Variants in GOLGA8A observed in about 807,000 individuals in gnomAD.
The protein encoded by GOLGA8A is golgin subfamily A member 8A.
A neutral mutation model predicts 22.1 loss-of-function variants in GOLGA8A; 3 were observed. That is an observed-to-expected ratio of 0.14 (90% confidence interval 0.06 to 0.35). The LOEUF (loss-of-function observed/expected upper bound fraction) is 0.35. Among genes scored for constraint, GOLGA8A ranks in the 10% least tolerant of loss-of-function variants. GOLGA8A has a pLI of 1.00. For synonymous variants in GOLGA8A, 7 were observed against 91.7 expected, an observed-to-expected ratio of 0.08 and a Z score of 5.28; for missense variants, 16 against 233.2, an observed-to-expected ratio of 0.07 and a Z score of 6.07.
chr15:34,432,156 C>T (rs2339438), intron 2 of GOLGA8A, among the ~76,000 whole-genome samples: 14,049 of 149,076 alleles, frequency 0.094, 1,760 homozygotes, highest in South Asian at 0.25. Flanking sequence ...CCACCAACCA[C>T]GTCAGCCACC....
chr15:34,399,164 GAGA>G lies in GOLGA8A; in HGVS notation c.-490_-488del, dbSNP rs1411981535. 8 of 155,462 alleles carry G rather than the reference GAGA, an allele frequency of 5.1e-5. No homozygotes were observed. The highest frequency in any genetic ancestry group is 2.0e-4 in the African/African-American group (8 of 39,796). The allele number at this position is 155,462 out of a possible 1,614,324, so 9.6% of individuals were successfully genotyped here. A position where few individuals can be genotyped will look rare whatever the true frequency, so the allele number is the denominator to read the frequency against. Reference sequence around the variant, plus strand: ...ATAAGAAAATAATCACCTGTTTTGTGAGAAGTTCAATACGTAATGCTCCTCCAC... The same window carrying G: ...ATAAGAAAATAATCACCTGTTTTGTGAGTTCAATACGTAATGCTCCTCCAC... On this transcript the variant is annotated 5_prime_UTR_variant, in exon 7 of 25. Coordinates refer to ENST00000359187, the MANE Select transcript of GOLGA8A (RefSeq NM_181077.5).
rs3053180 is a variant in GOLGA8A at position 34,411,422 on chromosome 15, ATGTGTGTGTGTGTGTG to A, written c.-1122-3703_-1122-3688del. ...ATTTTTTTCTGAGAAGAATTCATGA[ATGTGTGTGTGTGTGTG>A]TGTGTGTGTGTGTGTGTGTCTGTGT... On this transcript the variant is annotated intron_variant, in intron 2 of 24. Transcript: ENST00000359187. Among the ~76,000 whole-genome samples, 6 of 98,602 alleles carry A rather than the reference ATGTGTGTGTGTGTGTG, an allele frequency of 6.1e-5. 1 individual carries two copies. Among genetic ancestry groups the A allele is most frequent in the Non-Finnish European group, 1.2e-4 (6 of 49,692 alleles). The allele number at this position is 98,602 out of a possible 152,430, so 64.7% of individuals were successfully genotyped here.
At chr15:34,420,082 G>C (rs80210132) in intron 2 of GOLGA8A, 2 of 149,490 alleles carry the variant, frequency 1.3e-5, no homozygotes, top group East Asian at 2.0e-4. Flanking sequence ...CATACACGTA[G>C]AAGTATTTCA....
At chr15:34,402,538 CGTTT>C (rs148501315) in intron 5 of GOLGA8A, among the ~76,000 whole-genome samples, 672 of 686 alleles carry the variant, frequency 0.98, 329 homozygotes, top group Middle Eastern at 1. Context: ...ACTCCCTTTT[CGTTT>C]GTTTGTTTGT....
At chr15:34,429,107 T>C (rs1272375442) in intron 2 of GOLGA8A, among the ~76,000 whole-genome samples, 1 of 143,654 alleles carries the variant, frequency 7.0e-6, no homozygotes, top group Admixed American at 7.1e-5. Context: ...TCACATCTTC[T>C]GCTCATACCT....
At position 34,379,841 on chromosome 15, in the gene GOLGA8A, A is replaced by T. The variant is rs891607791; in HGVS notation, c.*1570T>A. On this transcript the variant is annotated 3_prime_UTR_variant, in exon 25 of 25. Coordinates refer to ENST00000359187, the MANE Select transcript of GOLGA8A (RefSeq NM_181077.5). ...GGCAATGTATGATTGAAATGCATTC[A>T]TTCATCATGCATAGGCACAATCACA... is the stretch of plus-strand genomic sequence containing the variant. The T allele has an allele frequency of 6.5e-6, 1 of 152,698 alleles. No homozygotes were observed. Among genetic ancestry groups the T allele is most frequent in the African/African-American group, 2.4e-5 (1 of 41,470 alleles). The allele number at this position is 152,698 out of a possible 1,614,324, so 9.5% of individuals were successfully genotyped here. A position where few individuals can be genotyped will look rare whatever the true frequency, so the allele number is the denominator to read the frequency against.
rs3169219 is a variant in GOLGA8A, at chr15:34,380,695, C to G, written c.*716G>C. On this transcript the variant is annotated 3_prime_UTR_variant, in exon 25 of 25. Coordinates refer to ENST00000359187, the MANE Select transcript of GOLGA8A (RefSeq NM_181077.5). ...ATCCAAAGGGAACTGCCACAGTACA[C>G]TGCTCATTCTTGGCACCGGAACAGA... 0.023 allele frequency: 3,549 copies of G among 157,694 alleles called. 38 individuals carry two copies. Among genetic ancestry groups the G allele is most frequent in the South Asian group, 0.045 (248 of 5,466 alleles). The allele number at this position is 157,694 out of a possible 1,614,324, so 9.8% of individuals were successfully genotyped here.
chr15:34,429,834 AGAG>A (rs1474587863), intron 2 of GOLGA8A, among the ~76,000 whole-genome samples: 1 of 148,218 alleles, frequency 6.7e-6, no homozygotes, highest in Non-Finnish European at 1.5e-5. Flanking sequence ...CAAAGGACTG[AGAG>A]GTGAATGACG....
At position 34,380,405 on chromosome 15, in the gene GOLGA8A, C is replaced by T. The variant is rs879449736; in HGVS notation, c.*1006G>A. 3.6e-4 allele frequency: 55 copies of T among 152,258 alleles called. No homozygotes were observed. The highest frequency in any genetic ancestry group is 8.7e-4 in the African/African-American group (36 of 41,538). 9.4% of individuals were successfully genotyped at this position (152,258 alleles called of 1,614,324 possible). ...CTCTTAAAGGATTTCTTATGATCTT[C>T]ACTAAATACATTAAGAAGAATGCCA... is the stretch of plus-strand genomic sequence containing the variant. On this transcript the variant is annotated 3_prime_UTR_variant, in exon 25 of 25. Transcript: ENST00000359187.
In GOLGA8A at chr15:34,386,646, C is replaced by G; in HGVS notation, c.264G>C (p.Leu88=). Residue 88 remains leucine (L), a synonymous_variant, in exon 12 of 25, where the codon CTG becomes CTC. Coordinates refer to ENST00000359187, the MANE Select transcript of GOLGA8A (RefSeq NM_181077.5). ...TTACCAAAGATTTGATGGTGTCATT[C>G]AGTCGACTGATTTTTATGGACCTCG... is the stretch of plus-strand genomic sequence containing the variant. ...LNSRSIKISR[L]NDTIKSLKQQ... is the part of the protein sequence containing the mutation. 1 of 1,480,234 alleles carries G rather than the reference C, an allele frequency of 6.8e-7. No individual in the cohort carries two copies. The highest frequency in any genetic ancestry group is 2.1e-4 in the Middle Eastern group (1 of 4,872). 91.7% of individuals were successfully genotyped at this position (1,480,234 alleles called of 1,614,324 possible). A position where few individuals can be genotyped will look rare whatever the true frequency, so the allele number is the denominator to read the frequency against.
In GOLGA8A at chr15:34,427,663, G is replaced by A. The variant is rs112076911; in HGVS notation, c.-1123+7720C>T. Among the ~76,000 whole-genome samples the A allele has an allele frequency of 6.4e-5, 8 of 124,568 alleles. No homozygotes were observed. The South Asian group carries it at 2.9e-3, about 46-fold the overall frequency. The allele number at this position is 124,568 out of a possible 152,430, so 81.7% of individuals were successfully genotyped here. On this transcript the variant is annotated intron_variant, in intron 2 of 24. Coordinates refer to ENST00000359187, the MANE Select transcript of GOLGA8A (RefSeq NM_181077.5). Reference sequence around the variant, plus strand: ...TTCAAAAGGCAGCCTGCCAGCCATCGGACTCCCAGGCACCTGTGGAGTCCT... The same window carrying A: ...TTCAAAAGGCAGCCTGCCAGCCATCAGACTCCCAGGCACCTGTGGAGTCCT...
At chr15:34,428,112 G>A (rs1434600582) in intron 2 of GOLGA8A, among the ~76,000 whole-genome samples, 3 of 142,278 alleles carry the variant, frequency 2.1e-5, no homozygotes, top group African/African-American at 7.8e-5. Context: ...TTTTTTTTGA[G>A]AGAGAGAAGT....
At chr15:34,432,999 T>C (rs567671337) in intron 2 of GOLGA8A, among the ~76,000 whole-genome samples, 2 of 149,192 alleles carry the variant, frequency 1.3e-5, no homozygotes, top group Admixed American at 1.4e-4. Context: ...CACGCGGGTA[T>C]TGCAGATGCT....
At chr15:34,434,288 T>C (rs1322522734) in intron 2 of GOLGA8A, among the ~76,000 whole-genome samples, 1 of 149,542 alleles carries the variant, frequency 6.7e-6, no homozygotes, top group Non-Finnish European at 1.5e-5. Context: ...GTGACACACC[T>C]GGCCTGGGCC....
intron 2 of GOLGA8A, among the ~76,000 whole-genome samples, chr15:34,425,293 G>A (rs1361337776): frequency 1.4e-5 from 2 of 147,162 alleles, no homozygotes; most frequent in African/African-American, 5.0e-5. Flanking sequence ...AAACACAGGA[G>A]AAACACTCAG....
At chr15:34,435,911 C>G (rs1189466006) in intron 1 of GOLGA8A, among the ~76,000 whole-genome samples, 2 of 149,082 alleles carry the variant, frequency 1.3e-5, no homozygotes, top group Admixed American at 1.4e-4. Context: ...GCCCGGAGCC[C>G]CAGCAGGTTC....
Position 34,380,990 on chromosome 15 carries a change from A to G in GOLGA8A, c.*421T>C, listed in dbSNP as rs1891459201. 1 of 341,266 alleles carries G rather than the reference A, an allele frequency of 2.9e-6. No individual in the cohort carries two copies. The highest frequency in any genetic ancestry group is 2.1e-5 in the African/African-American group (1 of 46,520). 21.1% of individuals were successfully genotyped at this position (341,266 alleles called of 1,614,324 possible). A position where few individuals can be genotyped will look rare whatever the true frequency, so the allele number is the denominator to read the frequency against. On this transcript the variant is annotated 3_prime_UTR_variant, in exon 25 of 25. Transcript: ENST00000359187. The stretch of plus-strand genomic sequence containing the variant: ...TGTGATTAAGATGAGATCAAACATC[A>G]TAGCAGAACATTAGCAAATTTTATC...
Position 34,429,435 on chromosome 15 carries a change from G to T in GOLGA8A, c.-1123+5948C>A, listed in dbSNP as rs534791453. ...TGCCCAGGGTGCCACACTCCAGGCT[G>T]GCCCTTCTGCCGAGAGGGCTCTTCT... is the stretch of plus-strand genomic sequence containing the variant. On this transcript the variant is annotated intron_variant, in intron 2 of 24. Coordinates refer to ENST00000359187, the MANE Select transcript of GOLGA8A (RefSeq NM_181077.5). Among the ~76,000 whole-genome samples, 456 of 145,566 alleles carry T rather than the reference G, an allele frequency of 3.1e-3. 24 individuals carry two copies. The highest frequency in any genetic ancestry group is 3.9e-3 in the Non-Finnish European group (257 of 65,948).
chr15:34,423,030 G>A (rs1182542640), intron 2 of GOLGA8A, among the ~76,000 whole-genome samples: 1 of 131,592 alleles, frequency 7.6e-6, no homozygotes, highest in African/African-American at 2.7e-5. Context: ...GGGGCATTTG[G>A]GGACCGCAAC....
Sources: allele counts gnomAD v4.1 joint callset (sites outside exome capture counted in the v4.1 genomes callset), GRCh38; gene constraint gnomAD v4.1.1; transcripts MANE v1.5; gene names NCBI Gene and HGNC (gene_info 2026-07-23, HGNC 2026-07-21).